The following DCX variants were observed in gnomAD, a reference collection of about 807,000 sequenced individuals.
DCX encodes the protein doublecortin, also known as neuronal migration protein doublecortin.
A neutral mutation model predicts 20.9 loss-of-function variants in DCX; 4 were observed. That is an observed-to-expected ratio of 0.19 (90% confidence interval 0.09 to 0.44). DCX has a LOEUF of 0.44. DCX is among the 20% of genes least tolerant of loss of function. The pLI is 0.99. For synonymous variants in DCX, 103 were observed against 111.4 expected (o/e 0.92, Z 0.47); for missense variants, 133 against 296.9 (o/e 0.45, Z 4.06).
chrX:111,318,184 CAA>C (rs1196651828), intron 5 of DCX, among the ~76,000 whole-genome samples: 3 of 31,587 alleles, frequency 9.5e-5, no homozygotes, highest in African/African-American at 2.1e-4. Context: ...GACTCGGTCT[CAA>C]AAAAAAAAAA....
At chrX:111,312,996 G>T (rs2095061102) in intron 5 of DCX, among the ~76,000 whole-genome samples, 1 of 111,740 alleles carries the variant, frequency 8.9e-6, no homozygotes, top group South Asian at 3.8e-4. Flanking sequence ...AATCACAGGG[G>T]TCTGTTTCTT....
chrX:111,344,674 C>A (rs1348360738), intron 3 of DCX, among the ~76,000 whole-genome samples: 1 of 111,182 alleles, frequency 9.0e-6, no homozygotes, highest in Non-Finnish European at 1.9e-5. Flanking sequence ...CCTAGGAATA[C>A]AGCTAACAAG....
intron 5 of DCX, among the ~76,000 whole-genome samples, chrX:111,320,701 G>A (rs1429627567): frequency 1.8e-5 from 2 of 109,928 alleles, no homozygotes; most frequent in Non-Finnish European, 3.8e-5. Context: ...TGGCAACAAG[G>A]GGCATCAAAA....
intron 1 of DCX, chrX:111,411,911 C>G (rs1323750243): frequency 8.9e-6 from 1 of 111,740 alleles, no homozygotes; most frequent in East Asian, 2.8e-4. Context: ...GCTTTAGGAT[C>G]AGAGGTAGTA....
chrX:111,403,774 G>A lies in DCX; in HGVS notation c.365-2444C>T, dbSNP rs1005069523. ...AAGTGTTCAACCCATGGCCAGGTGC[G>A]ACGGCTCATGCCTGTCATCCTGACA... is the stretch of plus-strand genomic sequence containing the variant. On this transcript the variant is annotated intron_variant, in intron 2 of 6. Transcript: ENST00000636035. 2.7e-5 allele frequency among the ~76,000 whole-genome samples: 3 copies of A among 112,162 alleles called. No homozygotes were observed. The East Asian group carries it at 8.4e-4, about 31-fold the overall frequency.
At position 111,300,371 on chromosome X, in the gene DCX, T is replaced by C. The variant is rs2095031038; in HGVS notation, c.*1316A>G. On this transcript the variant is annotated 3_prime_UTR_variant, in exon 7 of 7. Coordinates refer to ENST00000636035, the MANE Select transcript of DCX (RefSeq NM_001195553.2). ...ATGTTAAAGACAAGTGAAAGATTTC[T>C]GTGTCTTCAGTATGAAATATTAGGA... is the stretch of plus-strand genomic sequence containing the variant. The C allele has an allele frequency of 8.9e-6, 1 of 112,811 alleles. No individual in the cohort carries two copies. 9.3% of individuals were successfully genotyped at this position (112,811 alleles called of 1,213,427 possible). A position where few individuals can be genotyped will look rare whatever the true frequency, so the allele number is the denominator to read the frequency against.
At chrX:111,397,535 A>C (rs2147257547) in intron 3 of DCX, among the ~76,000 whole-genome samples, 1 of 112,015 alleles carries the variant, frequency 8.9e-6, no homozygotes, top group East Asian at 2.8e-4. Flanking sequence ...CTGAGCTCCA[A>C]AATTTTGAAT....
At chrX:111,323,603 G>GTTTTTTTTT (rs780794851) in intron 5 of DCX, among the ~76,000 whole-genome samples, 6 of 52,178 alleles carry the variant, frequency 1.1e-4, no homozygotes, top group Non-Finnish European at 2.1e-4. Flanking sequence ...TATTATTTCT[G>GTTTTTTTTT]TTTTTTTTTT....
chrX:111,328,780 C>T (rs1282827408), intron 5 of DCX, among the ~76,000 whole-genome samples: 1 of 110,751 alleles, frequency 9.0e-6, no homozygotes, highest in Non-Finnish European at 1.9e-5. Flanking sequence ...GGAGATCTTG[C>T]CAACAGCCAT....
intron 3 of DCX, among the ~76,000 whole-genome samples, chrX:111,368,806 AT>A (rs1924829893): frequency 1.8e-5 from 2 of 110,006 alleles, no homozygotes; most frequent in African/African-American, 6.7e-5. Flanking sequence ...ATATTAATAT[AT>A]TTTTATAACC....
intron 6 of DCX, among the ~76,000 whole-genome samples, chrX:111,308,137 A>T (rs2095049665): frequency 8.9e-6 from 1 of 112,589 alleles, no homozygotes; most frequent in South Asian, 3.7e-4. Context: ...ATATGTAGAA[A>T]TACAGAAACA....
chrX:111,403,295 T>C (rs959427739), intron 2 of DCX, among the ~76,000 whole-genome samples: 1 of 112,134 alleles, frequency 8.9e-6, no homozygotes, highest in African/African-American at 3.2e-5. Flanking sequence ...TGTGAAGCTA[T>C]ATATTTATGA....
chrX:111,393,528 A>G (rs145046380), intron 3 of DCX, among the ~76,000 whole-genome samples: 1,525 of 111,856 alleles, frequency 0.014, 30 homozygotes, highest in African/African-American at 0.047. Flanking sequence ...TAAGAAAACC[A>G]TTAAGAAAAT....
At chrX:111,313,897 G>A (rs2095063265) in intron 5 of DCX, among the ~76,000 whole-genome samples, 1 of 92,156 alleles carries the variant, frequency 1.1e-5, no homozygotes, top group African/African-American at 4.0e-5. Context: ...AAGAGAGAGG[G>A]GGAGGGAGAA....
At chrX:111,351,236 T>C (rs1414641000) in intron 3 of DCX, among the ~76,000 whole-genome samples, 5 of 112,030 alleles carry the variant, frequency 4.5e-5, no homozygotes, top group African/African-American at 9.7e-5. Context: ...ACCCAGTTTT[T>C]GCCAAACGAC....
chrX:111,358,208 T>C (rs1286275255), intron 3 of DCX, among the ~76,000 whole-genome samples: 1 of 112,434 alleles, frequency 8.9e-6, no homozygotes, highest in Non-Finnish European at 1.9e-5. Context: ...AGCTCTAACA[T>C]TGCAGTCTTA....
chrX:111,309,180 G>T (rs2095052167), intron 6 of DCX, among the ~76,000 whole-genome samples: 1 of 112,401 alleles, frequency 8.9e-6, no homozygotes, highest in South Asian at 3.7e-4. Flanking sequence ...CTGCATTAAA[G>T]AAGATTCTCC....
intron 2 of DCX, 25 bp from the exon 3 acceptor site, chrX:111,401,355 G>T: frequency 4.3e-6 from 5 of 1,150,508 alleles, no homozygotes; most frequent in Non-Finnish European, 6.0e-6. Flanking sequence ...AAGTGATTAG[G>T]TGATTAGTTT....
intron 5 of DCX, among the ~76,000 whole-genome samples, chrX:111,316,086 TAAA>T (rs754058802): frequency 1.0e-3 from 51 of 50,621 alleles, no homozygotes; most frequent in South Asian, 2.5e-3. Flanking sequence ...TAATAAAAAA[TAAA>T]AAAAAAAAAA....
Sources: gnomAD v4.1 joint callset for allele counts (sites outside exome capture counted in the v4.1 genomes callset) on GRCh38, gnomAD v4.1.1 for gene constraint, MANE v1.5 for transcripts, NCBI Gene and HGNC (gene_info 2026-07-23, HGNC 2026-07-21) for gene names.